PCSK6: variants seen among roughly 807,000 people sequenced by gnomAD.
PCSK6 encodes the protein paired basic amino acid cleaving enzyme 4.
A neutral mutation model predicts 123.3 loss-of-function variants in PCSK6; 85 were observed. The ratio of observed to expected loss-of-function variants is 0.69; its 90% CI spans 0.58 to 0.83. The LOEUF is 0.83. PCSK6 is among the 40% of genes least tolerant of loss of function. The probability of loss-of-function intolerance (pLI) is 0.00; values close to 1 mark genes in which losing one functional copy is unlikely to be tolerated. For missense variants in PCSK6, 1,191 were observed against 1,282.3 expected (o/e 0.93, Z 1.09); for synonymous variants, 508 against 516.0 (o/e 0.98, Z 0.21).
chr15:101,460,473 G>T (rs1389125852), intron 1 of PCSK6, among the ~76,000 whole-genome samples: 1 of 152,176 alleles, frequency 6.6e-6, no homozygotes, highest in African/African-American at 2.4e-5. Flanking sequence ...GGGCCATAAG[G>T]GACAGGGGTA....
At chr15:101,326,796 C>T (rs1027293288) in intron 15 of PCSK6, among the ~76,000 whole-genome samples, 10 of 152,146 alleles carry the variant, frequency 6.6e-5, no homozygotes, top group South Asian at 4.1e-4. Flanking sequence ...GGAGGGGTAG[C>T]GGGGAGGGAG....
chr15:101,407,393 G>A (rs1389416362), intron 6 of PCSK6, among the ~76,000 whole-genome samples: 3 of 152,054 alleles, frequency 2.0e-5, no homozygotes, highest in East Asian at 3.9e-4. Flanking sequence ...TTGACATCTG[G>A]GGCTTGCTGA....
chr15:101,382,549 T>G (rs1353728810), intron 10 of PCSK6, among the ~76,000 whole-genome samples: 1 of 152,320 alleles, frequency 6.6e-6, no homozygotes, highest in East Asian at 1.9e-4. Flanking sequence ...TCAGCATCTA[T>G]GCTCCCTGAA....
chr15:101,486,667 C>T (rs933135759), intron 1 of PCSK6, among the ~76,000 whole-genome samples: 2 of 152,176 alleles, frequency 1.3e-5, no homozygotes, highest in African/African-American at 4.8e-5. Flanking sequence ...AGCCATGACA[C>T]AAGAAAGGTG....
intron 13 of PCSK6, among the ~76,000 whole-genome samples, chr15:101,340,112 G>T (rs1027002403): frequency 1.3e-5 from 2 of 152,150 alleles, no homozygotes; most frequent in Admixed American, 1.3e-4. Flanking sequence ...AGGAGGATAA[G>T]AAAAAGAGTA....
At chr15:101,415,887 C>T (rs1312773005) in intron 6 of PCSK6, among the ~76,000 whole-genome samples, 1 of 152,246 alleles carries the variant, frequency 6.6e-6, no homozygotes, top group Non-Finnish European at 1.5e-5. Context: ...CTGAGGCCTT[C>T]CCAGCCACGT....
chr15:101,404,809 G>A (rs544395727), intron 6 of PCSK6, among the ~76,000 whole-genome samples: 3 of 152,274 alleles, frequency 2.0e-5, no homozygotes, highest in African/African-American at 7.2e-5. Flanking sequence ...AGACCTCACT[G>A]GCCACCCGGG....
chr15:101,458,248 G>A (rs769336389), intron 1 of PCSK6, among the ~76,000 whole-genome samples: 52 of 152,212 alleles, frequency 3.4e-4, no homozygotes, highest in Non-Finnish European at 5.3e-4. Context: ...CACAGGTCGT[G>A]GTGATAGGGA....
chr15:101,429,050 T>C (rs977926792), intron 5 of PCSK6, among the ~76,000 whole-genome samples: 1 of 152,184 alleles, frequency 6.6e-6, no homozygotes. Flanking sequence ...CTGCACAGCA[T>C]TGCCTGCGCA....
intron 18 of PCSK6, among the ~76,000 whole-genome samples, chr15:101,318,779 A>AGTGTCAAGTCCCT (rs1399755091): frequency 1.3e-5 from 2 of 152,246 alleles, no homozygotes; most frequent in Non-Finnish European, 2.9e-5. Context: ...GCTCAGTCTC[A>AGTGTCAAGTCCCT]GTGTCAAGTC....
chr15:101,331,241 C>T (rs771894594), intron 15 of PCSK6, among the ~76,000 whole-genome samples: 5 of 152,218 alleles, frequency 3.3e-5, no homozygotes, highest in Admixed American at 6.5e-5. Flanking sequence ...TGGAGAAAAA[C>T]GATTCATGCA....
intron 6 of PCSK6, among the ~76,000 whole-genome samples, chr15:101,409,464 A>G (rs2042877562): frequency 1.3e-5 from 2 of 152,064 alleles, no homozygotes; most frequent in South Asian, 4.1e-4. Flanking sequence ...GGGCGCCTGT[A>G]GTCCCAGCTA....
At chr15:101,484,272 T>C (rs7174319) in intron 1 of PCSK6, among the ~76,000 whole-genome samples, 5,182 of 152,230 alleles carry the variant, frequency 0.034, 296 homozygotes, top group African/African-American at 0.12. Flanking sequence ...TTCTTGGAGG[T>C]CATTGCTAAC....
intron 1 of PCSK6, among the ~76,000 whole-genome samples, chr15:101,450,112 G>A (rs1292795086): frequency 6.6e-6 from 1 of 152,088 alleles, no homozygotes; most frequent in East Asian, 1.9e-4. Context: ...CCCAAAGGGG[G>A]CTCTTAATGG....
intron 1 of PCSK6, among the ~76,000 whole-genome samples, chr15:101,468,631 G>A (rs2057524975): frequency 6.6e-6 from 1 of 152,120 alleles, no homozygotes; most frequent in African/African-American, 2.4e-5. Flanking sequence ...ATCCAATAAA[G>A]AACCATCCCA....
intron 7 of PCSK6, 64 bp from the exon 8 acceptor site, chr15:101,393,488 C>A: frequency 7.7e-7 from 1 of 1,303,304 alleles, no homozygotes; most frequent in South Asian, 1.4e-5. Context: ...GGTCTCCCCC[C>A]GAACCTAGAG....
chr15:101,339,279 A>G (rs1375754315), intron 13 of PCSK6, among the ~76,000 whole-genome samples: 4 of 152,224 alleles, frequency 2.6e-5, no homozygotes, highest in Admixed American at 2.6e-4. Flanking sequence ...CTATGTCCCC[A>G]TACTTAAAAT....
intron 2 of PCSK6, among the ~76,000 whole-genome samples, chr15:101,441,923 C>G (rs2141148080): frequency 6.6e-6 from 1 of 152,260 alleles, no homozygotes; most frequent in African/African-American, 2.4e-5. Flanking sequence ...GAATTTCCTC[C>G]AAGATGACAG....
chr15:101,312,260 T>C (rs1188665139), intron 20 of PCSK6: 1 of 151,746 alleles, frequency 6.6e-6, no homozygotes, highest in Non-Finnish European at 1.5e-5. Context: ...CCTGCCCTGT[T>C]CTGGGTCCTG....
Sources: allele counts gnomAD v4.1 joint callset (sites outside exome capture counted in the v4.1 genomes callset), GRCh38; gene constraint gnomAD v4.1.1; transcripts MANE v1.5; gene names NCBI Gene and HGNC (gene_info 2026-07-23, HGNC 2026-07-21).